Variants in TBK1 observed in about 807,000 individuals in gnomAD.
The protein encoded by TBK1 is TANK binding kinase 1.
TBK1 carries 37 observed loss-of-function variants against 99.9 expected under a neutral mutation model. The observed-to-expected ratio is 0.37, with a 90% CI of 0.28 to 0.49. TBK1 has a LOEUF of 0.49. Ranked by LOEUF, TBK1 falls within the 20% of genes least tolerant of loss-of-function variation. The pLI, the probability that TBK1 is intolerant of heterozygous loss-of-function variation, is 0.98. For missense variants in TBK1, 644 were observed against 872.5 expected, an observed-to-expected ratio of 0.74 and a Z score of 3.30; for synonymous variants, 258 against 279.8, an observed-to-expected ratio of 0.92 and a Z score of 0.78.
intron 3 of TBK1, among the ~76,000 whole-genome samples, chr12:64,463,914 A>G (rs1195254740): frequency 6.7e-6 from 1 of 148,500 alleles, no homozygotes; most frequent in East Asian, 2.0e-4. Flanking sequence ...ACCAGGCTGG[A>G]CTGCAGTAGT....
intron 20 of TBK1, 105 bp downstream of exon 20, chr12:64,498,144 C>A: frequency 3.2e-6 from 3 of 937,400 alleles, no homozygotes; most frequent in South Asian, 3.1e-5. Context: ...GGTAAAGGGT[C>A]ATAAAGTCAG....
chr12:64,472,635 C>T (rs1479937904), intron 5 of TBK1, among the ~76,000 whole-genome samples: 1 of 130,768 alleles, frequency 7.6e-6, no homozygotes, highest in African/African-American at 2.8e-5. Context: ...CTTAGAAGCT[C>T]CATCTGTTCT....
intron 4 of TBK1, 53 bp downstream of exon 4, chr12:64,464,516 AT>A: frequency 7.2e-7 from 1 of 1,395,698 alleles, no homozygotes. Flanking sequence ...TAATAACAGA[AT>A]TTTTAAAAAA....
At chr12:64,496,442 G>A (rs769177114) in intron 16 of TBK1, 36 bp downstream of exon 16, 15 of 1,112,558 alleles carry the variant, frequency 1.3e-5, no homozygotes, top group South Asian at 3.3e-5. Flanking sequence ...GTTATTTTTG[G>A]TGCTATTTTG....
intron 11 of TBK1, among the ~76,000 whole-genome samples, chr12:64,487,818 G>C (rs1182113601): frequency 6.6e-6 from 1 of 152,134 alleles, no homozygotes; most frequent in African/African-American, 2.4e-5. Context: ...CAAAAAGCAG[G>C]CCTCAAGTCT....
chr12:64,461,312 G>A (rs1037200439), intron 3 of TBK1, among the ~76,000 whole-genome samples: 35 of 151,846 alleles, frequency 2.3e-4, no homozygotes, highest in African/African-American at 8.2e-4. Context: ...ATTTTTTTAA[G>A]GGGAAATAGT....
At chr12:64,477,439 T>A (rs182819428) in intron 6 of TBK1, among the ~76,000 whole-genome samples, 1 of 152,308 alleles carries the variant, frequency 6.6e-6, no homozygotes, top group East Asian at 1.9e-4. Context: ...TGGGATTGCG[T>A]TCTTGATAAA....
intron 5 of TBK1, among the ~76,000 whole-genome samples, chr12:64,467,371 A>G (rs1273265200): frequency 6.6e-6 from 1 of 152,166 alleles, no homozygotes; most frequent in Non-Finnish European, 1.5e-5. Flanking sequence ...CAGTCAGCAT[A>G]TTACAAGCTT....
At chr12:64,462,080 A>C (rs758367779) in intron 3 of TBK1, among the ~76,000 whole-genome samples, 4 of 152,166 alleles carry the variant, frequency 2.6e-5, no homozygotes, top group Non-Finnish European at 5.9e-5. Flanking sequence ...TTTAGTCCCC[A>C]GCTCCTTCCA....
chr12:64,457,813 T>C (rs1275873030), intron 2 of TBK1, among the ~76,000 whole-genome samples: 1 of 152,140 alleles, frequency 6.6e-6, no homozygotes, highest in Non-Finnish European at 1.5e-5. Context: ...GTTTGCTGAA[T>C]GAAAGAATAA....
chr12:64,454,577 TAA>T (rs1184116597), intron 1 of TBK1, among the ~76,000 whole-genome samples: 1 of 151,686 alleles, frequency 6.6e-6, no homozygotes, highest in African/African-American at 2.4e-5. Context: ...AGCCCTGTGT[TAA>T]GTGAATTAAA....
At chr12:64,453,809 A>G (rs564774455) in intron 1 of TBK1, among the ~76,000 whole-genome samples, 43 of 152,326 alleles carry the variant, frequency 2.8e-4, no homozygotes, top group Admixed American at 9.1e-4. Context: ...TACTTTGTAT[A>G]CCTTGATAGA....
chr12:64,477,465 G>T (rs893429586), intron 6 of TBK1, among the ~76,000 whole-genome samples: 1 of 152,180 alleles, frequency 6.6e-6, no homozygotes, highest in Non-Finnish European at 1.5e-5. Flanking sequence ...AGCTTTGTCC[G>T]TGTATAGAAA....
chr12:64,489,735 ATT>A (rs539156355), intron 12 of TBK1, among the ~76,000 whole-genome samples: 6 of 137,052 alleles, frequency 4.4e-5, no homozygotes, highest in Admixed American at 7.3e-5. Context: ...CGCCCGGCTT[ATT>A]TTTTTTTTTT....
chr12:64,473,083 G>T (rs1486308409), intron 5 of TBK1, among the ~76,000 whole-genome samples: 1 of 152,154 alleles, frequency 6.6e-6, no homozygotes, highest in South Asian at 2.1e-4. Flanking sequence ...GATAGGTTTC[G>T]GGTGTGAGCA....
intron 3 of TBK1, among the ~76,000 whole-genome samples, chr12:64,463,379 CAAA>C (rs113080890): frequency 6.3e-5 from 7 of 111,508 alleles, no homozygotes; most frequent in South Asian, 2.8e-4. Flanking sequence ...GACTTTGTCT[CAAA>C]AAAAAAAAAA....
At position 64,491,618 on chromosome 12, in the gene TBK1, G is replaced by A. The variant is rs117208174; in HGVS notation, c.1521+1499G>A. 3.1e-3 allele frequency among the ~76,000 whole-genome samples: 474 copies of A among 152,132 alleles called. 2 individuals carry two copies. Among genetic ancestry groups the A allele is most frequent in the Admixed American group, 5.6e-3 (85 of 15,252 alleles). On this transcript the variant is annotated intron_variant, in intron 13 of 20. Transcript: ENST00000331710. Reference sequence around the variant, plus strand: ...CAGCCTGGGTGACAGAGCCGAGACTGTCTCAAATAAATAAATAAATAAATA... The same window carrying A: ...CAGCCTGGGTGACAGAGCCGAGACTATCTCAAATAAATAAATAAATAAATA...
intron 5 of TBK1, among the ~76,000 whole-genome samples, chr12:64,470,961 T>A (rs1034504218): frequency 6.6e-6 from 1 of 152,222 alleles, no homozygotes; most frequent in Non-Finnish European, 1.5e-5. Flanking sequence ...CCATTCTATT[T>A]ATTTCCTATT....
chr12:64,483,667 T>A (rs1297507866), intron 8 of TBK1, among the ~76,000 whole-genome samples: 1 of 152,170 alleles, frequency 6.6e-6, no homozygotes, highest in East Asian at 1.9e-4. Flanking sequence ...CTGATTCAAG[T>A]CAGTGCTCTA....
Sources: gnomAD v4.1 joint callset for allele counts (sites outside exome capture counted in the v4.1 genomes callset) on GRCh38, gnomAD v4.1.1 for gene constraint, MANE v1.5 for transcripts, NCBI Gene and HGNC (gene_info 2026-07-23, HGNC 2026-07-21) for gene names.